INSL6: variants seen among roughly 807,000 people sequenced by gnomAD.
INSL6 encodes insulin-like peptide INSL6.
In INSL6, 16 loss-of-function variants were observed where a neutral mutation model predicts 9.4. The ratio of observed to expected loss-of-function variants is 1.70; its 90% confidence interval spans 1.15 to 2.59. The LOEUF (loss-of-function observed/expected upper bound fraction) is 2.59, where lower values mean the gene tolerates loss of function less well. Among genes scored for constraint, INSL6 ranks in the 30% most tolerant of loss-of-function variants. The probability of loss-of-function intolerance (pLI) is 0.00; values close to 1 mark genes in which losing one functional copy is unlikely to be tolerated. For synonymous variants in INSL6, 154 were observed against 96.9 expected, an observed-to-expected ratio of 1.59 and a Z score of -3.46; for missense variants, 391 against 257.3, an observed-to-expected ratio of 1.52 and a Z score of -3.56.
At chr9:5,094,441 T>C in the INSL6 span, 1 of 152,104 alleles carries the variant, frequency 6.6e-6, no homozygotes, top group Non-Finnish European at 1.5e-5. Context: ...AGGATAAGCA[T>C]CCAATTCAAA....
rs138828525 is a variant in INSL6, at chr9:5,167,549, G to A, written c.290-3284C>T. On this transcript the variant is annotated intron_variant, in intron 1 of 1. Transcript: ENST00000381641. ...GGGACTCCAATCCATTCCCCCTCAC[G>A]GAGCAGGGCCTCCCTGTGGGAATTT... Among the ~76,000 whole-genome samples, 325 of 152,314 alleles carry A rather than the reference G, an allele frequency of 2.1e-3. 4 individuals are homozygous for A. The highest frequency in any genetic ancestry group is 0.017 in the Middle Eastern group (5 of 294).
the INSL6 span, among the ~76,000 whole-genome samples, chr9:4,996,228 C>T: frequency 6.6e-6 from 1 of 152,100 alleles, no homozygotes; most frequent in East Asian, 1.9e-4. Flanking sequence ...GTATATGGAT[C>T]ACCTGAGGTC....
At chr9:5,078,464 T>C in the INSL6 span, 2 of 1,593,054 alleles carry the variant, frequency 1.3e-6, no homozygotes, top group East Asian at 2.3e-5. Flanking sequence ...AGAAGGATTA[T>C]ATATAATGTT....
the INSL6 span, chr9:5,077,707 T>A: frequency 1.9e-6 from 1 of 521,454 alleles, no homozygotes. Context: ...ATAGTCTGTG[T>A]TAGGTGATAA....
Position 5,185,553 on chromosome 9 carries a change from A to G in INSL6, c.50T>C (p.Val17Ala), listed in dbSNP as rs553705920. 6.2e-7 allele frequency: 1 copy of G among 1,613,938 alleles called. No individual in the cohort carries two copies. The highest frequency in any genetic ancestry group is 1.3e-5 in the African/African-American group (1 of 75,054). The change falls in exon 1 of 2, where the codon GTT becomes GCT. Residue 17 changes from valine (V) to alanine (A), a missense_variant. Val to Ala is a moderately conservative substitution (Grantham distance 64). Coordinates refer to ENST00000381641, the MANE Select transcript of INSL6 (RefSeq NM_007179.3). Reference sequence around the variant, plus strand: ...GTCGCTCAGTTCACGAGAAAACCGAACCAGCAGGAGTCCAAGCCACAGCAG... The same window carrying G: ...GTCGCTCAGTTCACGAGAAAACCGAGCCAGCAGGAGTCCAAGCCACAGCAG... Reference protein sequence around the residue: ...LSLLWLGLLLVRFSRELSDIS... With the variant: ...LSLLWLGLLLARFSRELSDIS...
intron 1 of INSL6, among the ~76,000 whole-genome samples, chr9:5,179,815 G>A (rs1180653320): frequency 6.6e-6 from 1 of 152,154 alleles, no homozygotes. Flanking sequence ...GACACATGCA[G>A]GGGAAAACAC....
At position 5,185,568 on chromosome 9, in the gene INSL6, A is replaced by G. The variant is rs200449001; in HGVS notation, c.35T>C (p.Leu12Pro). ...AGAAAACCGAACCAGCAGGAGTCCAAGCCACAGCAGGGACAAGCGGAGGAG... is the reference window on the plus strand; with the variant it reads ...AGAAAACCGAACCAGCAGGAGTCCAGGCCACAGCAGGGACAAGCGGAGGAG... Reference protein sequence around the residue: ...PRLLRLSLLWLGLLLVRFSRE... With the variant: ...PRLLRLSLLWPGLLLVRFSRE... The change falls in exon 1 of 2, where the codon CTT becomes CCT. Residue 12 changes from leucine to proline, a missense_variant. Coordinates refer to ENST00000381641, the MANE Select transcript of INSL6 (RefSeq NM_007179.3). The G allele has an allele frequency of 5.3e-5, 86 of 1,613,934 alleles. No individual in the cohort carries two copies. In the African/African-American group the frequency reaches 8.8e-4, roughly 17 times the overall value.
chr9:5,089,632 T>G, the INSL6 span: 4 of 1,070,626 alleles, frequency 3.7e-6, no homozygotes, highest in East Asian at 1.2e-4. Context: ...TAATTTGCCT[T>G]GAAAACTTGG....
At chr9:5,120,144 G>A (rs1337362878), downstream of INSL6, among the ~76,000 whole-genome samples, 1 of 152,224 alleles carries the variant, frequency 6.6e-6, no homozygotes, top group Non-Finnish European at 1.5e-5. Context: ...CCAAGATGGA[G>A]CCTTGCTGCT....
At chr9:5,006,821 C>G in the INSL6 span, among the ~76,000 whole-genome samples, 1 of 152,112 alleles carries the variant, frequency 6.6e-6, no homozygotes, top group African/African-American at 2.4e-5. Context: ...CAGAACCAAA[C>G]CATATCAATT....
chr9:5,022,365 G>A, the INSL6 span: 2 of 568,180 alleles, frequency 3.5e-6, no homozygotes, highest in Admixed American at 3.5e-5. Context: ...AAATGAAAGT[G>A]TTACTGGAGT....
At chr9:5,128,819 G>A (rs893636466) in intron 3 of INSL6, among the ~76,000 whole-genome samples, 9 of 151,860 alleles carry the variant, frequency 5.9e-5, no homozygotes, top group African/African-American at 1.9e-4. Flanking sequence ...ACAAGAAACA[G>A]GTAAGTAATT....
chr9:5,096,443 A>T, the INSL6 span, among the ~76,000 whole-genome samples: 1 of 152,202 alleles, frequency 6.6e-6, no homozygotes, highest in Non-Finnish European at 1.5e-5. Context: ...ACAAAAATTT[A>T]GTTAACAGCT....
chr9:5,037,635 C>G, the INSL6 span, among the ~76,000 whole-genome samples: 1 of 152,088 alleles, frequency 6.6e-6, no homozygotes, highest in Non-Finnish European at 1.5e-5. Context: ...CATGTTCTCA[C>G]TCTTAGGTGG....
chr9:5,122,871 G>T, downstream of INSL6: 1 of 500,400 alleles, frequency 2.0e-6, no homozygotes, highest in Non-Finnish European at 3.5e-6. Context: ...TTTAATCATA[G>T]AAGCCTCAGG....
At chr9:5,089,255 G>A in the INSL6 span, among the ~76,000 whole-genome samples, 2 of 151,930 alleles carry the variant, frequency 1.3e-5, no homozygotes, top group African/African-American at 4.8e-5. Flanking sequence ...AAGATAGTCT[G>A]CTGCTGGGCA....
At chr9:5,180,644 T>A (rs1379542686) in intron 1 of INSL6, among the ~76,000 whole-genome samples, 1 of 152,084 alleles carries the variant, frequency 6.6e-6, no homozygotes, top group Non-Finnish European at 1.5e-5. Flanking sequence ...GGGGAAAAAC[T>A]CCACCCTGGT....
At chr9:5,015,205 T>C in the INSL6 span, among the ~76,000 whole-genome samples, 1 of 152,200 alleles carries the variant, frequency 6.6e-6, no homozygotes, top group South Asian at 2.1e-4. Context: ...TTGCAGTTTT[T>C]GCCATTGGAA....
At chr9:5,112,236 T>C in the INSL6 span, 3 of 260,804 alleles carry the variant, frequency 1.2e-5, no homozygotes, top group South Asian at 3.7e-5. Flanking sequence ...GCAGGCCTGG[T>C]TGGAGGCGAA....
Sources: gnomAD v4.1 joint callset for allele counts (sites outside exome capture counted in the v4.1 genomes callset) on GRCh38, gnomAD v4.1.1 for gene constraint, MANE v1.5 for transcripts, NCBI Gene and HGNC (gene_info 2026-07-23, HGNC 2026-07-21) for gene names.